The following CYTH1 variants were observed in gnomAD, a reference collection of about 807,000 sequenced individuals.
CYTH1 encodes cytohesin 1, also known as cytohesin-1.
In CYTH1, 18 loss-of-function variants were observed where a neutral mutation model predicts 61.8. The observed-to-expected ratio is 0.29, with a 90% confidence interval of 0.20 to 0.43. CYTH1 has a LOEUF of 0.43. Among genes scored for constraint, CYTH1 ranks in the 20% least tolerant of loss-of-function variants. CYTH1 has a pLI of 1.00. For missense variants in CYTH1, 336 were observed against 510.5 expected (o/e 0.66, Z 3.29); for synonymous variants, 174 against 184.3 (o/e 0.94, Z 0.45).
At chr17:78,710,714 T>C (rs1380015080) in intron 1 of CYTH1, among the ~76,000 whole-genome samples, 2 of 152,178 alleles carry the variant, frequency 1.3e-5, no homozygotes, top group Non-Finnish European at 2.9e-5. Flanking sequence ...GTGAAGATGA[T>C]GTAGAGTAAT....
rs756798702 is a variant in CYTH1 at position 78,700,382 on chromosome 17, C to A, written c.499G>T (p.Ala167Ser). ...CACTGACAATATCGCTGGGCAAACG[C>A]CTCCATCATCCGGTCGATCTTCTGG... Reference protein sequence around the residue: ...EAQKIDRMMEAFAQRYCQCNN... With the variant: ...EAQKIDRMMESFAQRYCQCNN... Residue 167 changes from alanine (A) to serine (S), a missense_variant, in exon 7 of 14, where the codon GCG (alanine) becomes TCG (serine). Ala to Ser is a moderately conservative substitution (Grantham distance 99). Coordinates refer to ENST00000446868, the MANE Select transcript of CYTH1 (RefSeq NM_004762.6). The surrounding 1 kb of genome is among the most constrained non-coding windows in gnomAD (Gnocchi z 5.1). 4 of 1,613,720 alleles carry A rather than the reference C, an allele frequency of 2.5e-6. No individual in the cohort carries two copies. Among genetic ancestry groups the A allele is most frequent in the South Asian group, 2.2e-5 (2 of 90,958 alleles).
intron 2 of CYTH1, among the ~76,000 whole-genome samples, chr17:78,708,712 A>T (rs540089123): frequency 6.6e-6 from 1 of 152,338 alleles, no homozygotes; most frequent in East Asian, 1.9e-4. Context: ...AGCGGCTGGC[A>T]AAGGGAATGT....
intron 11 of CYTH1, among the ~76,000 whole-genome samples, chr17:78,687,775 T>C (rs182588255): frequency 1.0e-3 from 153 of 152,240 alleles, no homozygotes; most frequent in African/African-American, 3.6e-3. Context: ...ACAGATTGAG[T>C]TTGTGAGTAG....
intron 4 of CYTH1, 84 bp downstream of exon 4, chr17:78,702,454 G>GA (rs557996991): frequency 6.4e-5 from 94 of 1,464,822 alleles, no homozygotes; most frequent in Non-Finnish European, 8.5e-5. Flanking sequence ...GTAACGCTTG[G>GA]AAAAAAACGT....
intron 10 of CYTH1, among the ~76,000 whole-genome samples, chr17:78,695,400 G>A (rs1469942580): frequency 6.6e-6 from 1 of 151,966 alleles, no homozygotes; most frequent in Non-Finnish European, 1.5e-5. Flanking sequence ...ACCTTCACTC[G>A]GTATCATTTT....
intron 11 of CYTH1, among the ~76,000 whole-genome samples, chr17:78,682,814 C>A (rs1598815196): frequency 6.6e-6 from 1 of 152,282 alleles, no homozygotes; most frequent in Non-Finnish European, 1.5e-5. Context: ...GTTCTGAGGC[C>A]CCCTAAGGAG....
At chr17:78,747,911 A>C (rs2093365566) in intron 1 of CYTH1, among the ~76,000 whole-genome samples, 1 of 152,188 alleles carries the variant, frequency 6.6e-6, no homozygotes, top group African/African-American at 2.4e-5. Flanking sequence ...ACTTTGATTA[A>C]AATAAATTTC....
At chr17:78,706,510 G>A (rs2093068612) in intron 3 of CYTH1, among the ~76,000 whole-genome samples, 1 of 152,186 alleles carries the variant, frequency 6.6e-6, no homozygotes, top group African/African-American at 2.4e-5. Context: ...CTATTACCTC[G>A]ACCTGTTTAT....
chr17:78,724,320 G>A (rs572438567), intron 1 of CYTH1, among the ~76,000 whole-genome samples: 1 of 152,288 alleles, frequency 6.6e-6, no homozygotes, highest in African/African-American at 2.4e-5. Context: ...CAGGGTTACT[G>A]CAGACCACAC....
At chr17:78,698,601 T>C (rs1206909374) in intron 8 of CYTH1, among the ~76,000 whole-genome samples, 1 of 152,232 alleles carries the variant, frequency 6.6e-6, no homozygotes, top group Non-Finnish European at 1.5e-5. Flanking sequence ...GCCTGACTTC[T>C]ATTCAAGCTT....
chr17:78,731,176 G>C (rs1190480584), intron 1 of CYTH1, among the ~76,000 whole-genome samples: 1 of 152,120 alleles, frequency 6.6e-6, no homozygotes, highest in Non-Finnish European at 1.5e-5. Flanking sequence ...ACTCAACAGT[G>C]GCTGTTGAAA....
At chr17:78,731,280 T>G (rs1351808732) in intron 1 of CYTH1, among the ~76,000 whole-genome samples, 2 of 152,142 alleles carry the variant, frequency 1.3e-5, no homozygotes, top group Non-Finnish European at 2.9e-5. Context: ...AGGGCTAGAC[T>G]AGATAACTTC....
intron 1 of CYTH1, among the ~76,000 whole-genome samples, chr17:78,744,537 C>T (rs1364092101): frequency 1.3e-5 from 2 of 152,200 alleles, no homozygotes; most frequent in Admixed American, 1.3e-4. Context: ...GACACCTGGA[C>T]ACACTGCACA....
intron 1 of CYTH1, among the ~76,000 whole-genome samples, chr17:78,766,018 G>A (rs1194610684): frequency 6.6e-6 from 1 of 150,624 alleles, no homozygotes; most frequent in Non-Finnish European, 1.5e-5. Context: ...CACTTTGGGG[G>A]TGGGAGGATC....
chr17:78,682,112 C>T (rs1321954077), intron 11 of CYTH1, among the ~76,000 whole-genome samples: 3 of 152,094 alleles, frequency 2.0e-5, no homozygotes, highest in Non-Finnish European at 2.9e-5. Context: ...ATCTGGTCAT[C>T]TGAGGTAGGG....
chr17:78,725,930 C>T (rs2093264018), intron 1 of CYTH1, among the ~76,000 whole-genome samples: 1 of 152,088 alleles, frequency 6.6e-6, no homozygotes, highest in Admixed American at 6.5e-5. Context: ...TATGAAACCA[C>T]ATCCATCAGA....
intron 10 of CYTH1, among the ~76,000 whole-genome samples, chr17:78,695,370 G>C (rs962538729): frequency 6.6e-6 from 1 of 152,080 alleles, no homozygotes; most frequent in African/African-American, 2.4e-5. Context: ...AGGGTTTTTT[G>C]GTTTGGACTT....
intron 8 of CYTH1, 82 bp downstream of exon 8, chr17:78,698,738 T>A (rs2092974075): frequency 1.4e-6 from 2 of 1,433,572 alleles, no homozygotes; most frequent in Non-Finnish European, 1.8e-6. Flanking sequence ...ATTGTATGTT[T>A]TTTCTTCCTT....
At chr17:78,773,988 T>C (rs990565738) in intron 1 of CYTH1, among the ~76,000 whole-genome samples, 3 of 152,202 alleles carry the variant, frequency 2.0e-5, no homozygotes, top group Admixed American at 2.0e-4. Context: ...TTTTTTTCAA[T>C]CCAGCTAGTG....
Sources: gnomAD v4.1 joint callset for allele counts (sites outside exome capture counted in the v4.1 genomes callset) on GRCh38, gnomAD v4.1.1 for gene constraint, Gnocchi (gnomAD v3.1) non-coding constraint, MANE v1.5 for transcripts, NCBI Gene and HGNC (gene_info 2026-07-23, HGNC 2026-07-21) for gene names.